ARHGEF1: variants seen among roughly 807,000 people sequenced by gnomAD.
ARHGEF1 encodes 115 kDa guanine nucleotide exchange factor.
ARHGEF1 carries 40 observed loss-of-function variants against 119.7 expected under a neutral mutation model. The observed-to-expected ratio is 0.33, with a 90% CI of 0.26 to 0.44. ARHGEF1 has a LOEUF of 0.44. Among genes scored for constraint, ARHGEF1 ranks in the 20% least tolerant of loss-of-function variants. The probability of loss-of-function intolerance (pLI) is 1.00; values close to 1 mark genes in which losing one functional copy is unlikely to be tolerated. For synonymous variants in ARHGEF1, 494 were observed against 521.0 expected, an observed-to-expected ratio of 0.95 and a Z score of 0.71; for missense variants, 976 against 1,268.3, an observed-to-expected ratio of 0.77 and a Z score of 3.50.
chr19:41,898,021 G>T lies in ARHGEF1; in HGVS notation c.1122-421G>T, dbSNP rs182824002. ...GCCGGCCTTCCCGGGGCAGCCTCGG[G>T]GCTAAGGGCCGGGGTGGGGGCCGCT... On this transcript the variant is annotated intron_variant, in intron 13 of 28. Transcript: ENST00000354532. The T allele has an allele frequency of 3.3e-4, 441 of 1,335,904 alleles. 4 individuals are homozygous for T. The East Asian group carries it at 0.011, about 32-fold the overall frequency. 82.8% of individuals were successfully genotyped at this position (1,335,904 alleles called of 1,614,324 possible). A position where few individuals can be genotyped will look rare whatever the true frequency, so the allele number is the denominator to read the frequency against.
rs782335508 is a variant in ARHGEF1 at position 41,902,886 on chromosome 19, G to A, written c.1726G>A (p.Gly576Arg). The change falls in exon 18 of 29, where the codon GGG becomes AGG. Residue 576 changes from glycine to arginine, a missense_variant. Physicochemically the swap from Gly to Arg is moderately radical, Grantham distance 125 (BLOSUM62 -2). Around this residue, in one of 3 missense-constraint regions of ARHGEF1, gnomAD observed 286 missense variants for 506.8 expected, o/e 0.56. Transcript: ENST00000354532. The surrounding 1 kb of genome is among the most constrained non-coding windows in gnomAD (Gnocchi z 6.5). ...TKYPLLLQSI[G>R]QNTEEPTERE... ...GTACCCCCTGCTCCTGCAGAGCATC[G>A]GGCAGAACACAGGTACCGCGGGCCT... is the stretch of plus-strand genomic sequence containing the variant. 8 of 1,608,208 alleles carry A rather than the reference G, an allele frequency of 5.0e-6. No homozygotes were observed. The Admixed American group carries it at 5.1e-5, about 10-fold the overall frequency.
At position 41,902,990 on chromosome 19, in the gene ARHGEF1, C is replaced by T; in HGVS notation, c.1738+92C>T. ...ATTTTCATCAGTGATACCATCACAG[C>T]TCACTGCAGCCTCAACCTCCCAGGA... is the stretch of plus-strand genomic sequence containing the variant. On this transcript the variant is annotated intron_variant, in intron 18 of 28. Transcript: ENST00000354532. This position sits in a 1 kb window ranked among gnomAD's most constrained non-coding sequence, Gnocchi z 6.5. 1.9e-6 allele frequency: 2 copies of T among 1,066,894 alleles called. No homozygotes were observed. Among genetic ancestry groups the T allele is most frequent in the South Asian group, 1.7e-5 (1 of 59,528 alleles). 66.1% of individuals were successfully genotyped at this position (1,066,894 alleles called of 1,614,324 possible). A position where few individuals can be genotyped will look rare whatever the true frequency, so the allele number is the denominator to read the frequency against.
rs1250894878 is a variant in ARHGEF1 at position 41,916,374 on chromosome 19, CAG to C, written c.1866-6716_1866-6715del. 1.3e-5 allele frequency among the ~76,000 whole-genome samples: 2 copies of C among 152,096 alleles called. No homozygotes were observed. The highest frequency in any genetic ancestry group is 2.9e-5 in the Non-Finnish European group (2 of 68,002). On this transcript the variant is annotated intron_variant, in intron 18 of 20. Coordinates refer to the ARHGEF1 transcript ENST00000599589. This position sits in a 1 kb window ranked among gnomAD's most constrained non-coding sequence, Gnocchi z 5.4. The stretch of plus-strand genomic sequence containing the variant: ...GCTGCCACACACAACCCACATCACA[CAG>C]ATGCATGTGTCAGTAAAGTCACACA...
At chr19:41,897,059 T>C (rs1052546813) in intron 13 of ARHGEF1, 6 of 426,022 alleles carry the variant, frequency 1.4e-5, no homozygotes, top group Non-Finnish European at 2.8e-5. Context: ...TTTCAGCCCT[T>C]CCTCCCCTTC....
rs782626770 is a variant in ARHGEF1, at chr19:41,906,052, G to A, written c.2491+27G>A. On this transcript the variant is annotated intron_variant, in intron 26 of 28. Transcript: ENST00000354532. The surrounding 1 kb of genome is among the most constrained non-coding windows in gnomAD (Gnocchi z 4.5). ...TAGCCCAGCTCTGCCCCTCCAGGGT[G>A]GCCACCAGCCCAAACAGTGCCTCTG... 1.2e-6 allele frequency: 2 copies of A among 1,605,576 alleles called. No homozygotes were observed. Among genetic ancestry groups the A allele is most frequent in the Non-Finnish European group, 1.7e-6 (2 of 1,173,312 alleles).
At chr19:41,898,077 C>G (rs1272970369) in intron 13 of ARHGEF1, 24 of 1,353,596 alleles carry the variant, frequency 1.8e-5, no homozygotes, top group Admixed American at 7.2e-5. Context: ...GACCCCAGTT[C>G]CGCCACGGCA....
intron 4 of ARHGEF1, among the ~76,000 whole-genome samples, chr19:41,891,742 AGTT>A (rs1230957621): frequency 3.3e-5 from 5 of 152,190 alleles, no homozygotes; most frequent in Non-Finnish European, 7.3e-5. Flanking sequence ...CAGTAGTAGT[AGTT>A]GTTGTCATTA....
chr19:41,921,481 C>T (rs556187392), upstream of ARHGEF1, among the ~76,000 whole-genome samples: 7 of 151,856 alleles, frequency 4.6e-5, no homozygotes, highest in African/African-American at 9.7e-5. The surrounding 1 kb of genome is among the most constrained non-coding windows in gnomAD (Gnocchi z 4.4). Flanking sequence ...CACATGCACA[C>T]GCAGAGAGAA....
rs112399906 is a variant in ARHGEF1, at chr19:41,914,546, T to A, written c.1865+7743T>A. Among the ~76,000 whole-genome samples the A allele has an allele frequency of 4.2e-5, 5 of 118,448 alleles. No homozygotes were observed. In the South Asian group the frequency reaches 8.7e-4, roughly 21 times the overall value. 77.7% of individuals were successfully genotyped at this position (118,448 alleles called of 152,430 possible). A position where few individuals can be genotyped will look rare whatever the true frequency, so the allele number is the denominator to read the frequency against. The stretch of plus-strand genomic sequence containing the variant: ...TTCTCCCCATCTCTGCTATCCGTCT[T>A]TCCCTCCCCTTCCACCATCTCTGTC... On this transcript the variant is annotated intron_variant, in intron 18 of 20. Coordinates refer to the ARHGEF1 transcript ENST00000599589.
chr19:41,901,900 A>G lies in ARHGEF1; in HGVS notation c.1281A>G (p.Thr427=). The G allele has an allele frequency of 6.2e-7, 1 of 1,611,022 alleles. No individual in the cohort carries two copies. Among genetic ancestry groups the G allele is most frequent in the Non-Finnish European group, 8.5e-7 (1 of 1,180,004 alleles). Residue 427 remains threonine (T), a synonymous_variant, in exon 15 of 29, where the codon ACA becomes ACG. Coordinates refer to ENST00000354532, the MANE Select transcript of ARHGEF1 (RefSeq NM_004706.4). ...RQEVISELLV[T]EAAHVRMLRV... is the part of the protein sequence containing the mutation. ...GTGGCCCTGCAGAGCTGCTGGTGACAGAGGCGGCCCACGTGCGCATGCTGC... is the reference window on the plus strand; with the variant it reads ...GTGGCCCTGCAGAGCTGCTGGTGACGGAGGCGGCCCACGTGCGCATGCTGC...
chr19:41,919,511 G>GTA (rs1178046462), upstream of ARHGEF1, among the ~76,000 whole-genome samples: 5 of 122,562 alleles, frequency 4.1e-5, no homozygotes, highest in Non-Finnish European at 7.6e-5. Context: ...ACGTGCACGC[G>GTA]TACACACACA....
In ARHGEF1 at chr19:41,904,834, C is replaced by T. The variant is rs112084839; in HGVS notation, c.2162-115C>T. 6.0e-6 allele frequency: 5 copies of T among 832,606 alleles called. No homozygotes were observed. The highest frequency in any genetic ancestry group is 3.4e-5 in the African/African-American group (2 of 59,584). The allele number at this position is 832,606 out of a possible 1,614,324, so 51.6% of individuals were successfully genotyped here. A position where few individuals can be genotyped will look rare whatever the true frequency, so the allele number is the denominator to read the frequency against. On this transcript the variant is annotated intron_variant, in intron 22 of 28. Transcript: ENST00000354532. The surrounding 1 kb of genome is among the most constrained non-coding windows in gnomAD (Gnocchi z 8.4). Reference sequence around the variant, plus strand: ...AGCAGACAGTGAGTGGTGAGTTGAGCCATGGGAGCCCTGAGAGCGCCACCA... The same window carrying T: ...AGCAGACAGTGAGTGGTGAGTTGAGTCATGGGAGCCCTGAGAGCGCCACCA...
chr19:41,914,601 T>C lies in ARHGEF1; in HGVS notation c.1865+7798T>C, dbSNP rs569504340. Among the ~76,000 whole-genome samples the C allele has an allele frequency of 5.1e-4, 33 of 64,522 alleles. 3 individuals carry two copies. Among genetic ancestry groups the C allele is most frequent in the Non-Finnish European group, 6.8e-4 (23 of 33,860 alleles). 42.3% of individuals were successfully genotyped at this position (64,522 alleles called of 152,430 possible). Reference sequence around the variant, plus strand: ...TCTCTCCCTCCCTTTCCACCATCTCTGTCTCTCCCTCCCCTTCCACCATCT... The same window carrying C: ...TCTCTCCCTCCCTTTCCACCATCTCCGTCTCTCCCTCCCCTTCCACCATCT... On this transcript the variant is annotated intron_variant, in intron 18 of 20. Transcript: ENST00000599589.
At chr19:41,885,105 C>T (rs1273155550) in intron 1 of ARHGEF1, among the ~76,000 whole-genome samples, 3 of 151,848 alleles carry the variant, frequency 2.0e-5, no homozygotes, top group East Asian at 1.9e-4. Context: ...GCCCCATGCA[C>T]GCAGTGTTCC....
At position 41,902,217 on chromosome 19, in the gene ARHGEF1, C is replaced by G; in HGVS notation, c.1415-57C>G. On this transcript the variant is annotated intron_variant, in intron 15 of 28. Coordinates refer to ENST00000354532, the MANE Select transcript of ARHGEF1 (RefSeq NM_004706.4). This position sits in a 1 kb window ranked among gnomAD's most constrained non-coding sequence, Gnocchi z 6.5. ...CCTACCCCCACCACACCGCAGCAGG[C>G]CCCGCACAGCATCTTCCAGACCCTG... 6.2e-7 allele frequency: 1 copy of G among 1,602,994 alleles called. No homozygotes were observed. Among genetic ancestry groups the G allele is most frequent in the Admixed American group, 1.7e-5 (1 of 59,796 alleles).
rs1449510884 is a variant in ARHGEF1 at position 41,889,132 on chromosome 19, C to G, written c.225+267C>G. ...GGACCCCGCGGAGCCACAGAGAGTC[C>G]AGCAGCCTGGCAGAAACCACATCCC... On this transcript the variant is annotated intron_variant, in intron 4 of 28. Coordinates refer to ENST00000354532, the MANE Select transcript of ARHGEF1 (RefSeq NM_004706.4). This position sits in a 1 kb window ranked among gnomAD's most constrained non-coding sequence, Gnocchi z 4.0. The G allele has an allele frequency of 2.7e-6, 1 of 371,456 alleles. No individual in the cohort carries two copies. The highest frequency in any genetic ancestry group is 5.0e-6 in the Non-Finnish European group (1 of 201,588). 23.0% of individuals were successfully genotyped at this position (371,456 alleles called of 1,614,324 possible).
chr19:41,929,923 CCACT>C (rs2074894970), exon 3 of ARHGEF1: 1 of 152,238 alleles, frequency 6.6e-6, no homozygotes, highest in South Asian at 2.1e-4. Flanking sequence ...CTCCCGCTCA[CCACT>C]CACTCAGGCA....
chr19:41,891,279 T>TTTTA (rs1171980531), intron 4 of ARHGEF1, among the ~76,000 whole-genome samples: 9 of 151,968 alleles, frequency 5.9e-5, no homozygotes, highest in Admixed American at 2.0e-4. Flanking sequence ...TGATTTTGGG[T>TTTTA]TTTATTTATT....
Position 41,904,431 on chromosome 19 carries a change from G to C in ARHGEF1, c.2161+48G>C. The C allele has an allele frequency of 1.3e-6, 2 of 1,497,740 alleles. No individual in the cohort carries two copies. The allele number at this position is 1,497,740 out of a possible 1,614,324, so 92.8% of individuals were successfully genotyped here. A position where few individuals can be genotyped will look rare whatever the true frequency, so the allele number is the denominator to read the frequency against. On this transcript the variant is annotated intron_variant, in intron 22 of 28. Transcript: ENST00000354532. This position sits in a 1 kb window ranked among gnomAD's most constrained non-coding sequence, Gnocchi z 8.4. ...CCAGGGCAGAGGGTGTCTTTTTTGG[G>C]CAGAGCTGCCTGTGGAGTGGGGAGC...
Sources: gnomAD v4.1 joint callset for allele counts (sites outside exome capture counted in the v4.1 genomes callset) on GRCh38, gnomAD v4.1.1 for gene constraint, gnomAD v4.1.1 regional missense constraint, Gnocchi (gnomAD v3.1) non-coding constraint, MANE v1.5 for transcripts, NCBI Gene and HGNC (gene_info 2026-07-23, HGNC 2026-07-21) for gene names.